Variants in MTUS2 observed in about 807,000 individuals in gnomAD.
MTUS2 encodes the protein microtubule associated scaffold protein 2.
MTUS2 carries 40 observed loss-of-function variants against 114.1 expected under a neutral mutation model. That is an observed-to-expected ratio of 0.35 (90% confidence interval 0.27 to 0.46). The LOEUF (loss-of-function observed/expected upper bound fraction) is 0.46, where lower values mean the gene tolerates loss of function less well. MTUS2 is among the 20% of genes least tolerant of loss of function. MTUS2 has a pLI of 1.00. For missense variants in MTUS2, 1,679 were observed against 1,705.4 expected, an observed-to-expected ratio of 0.98 and a Z score of 0.27; for synonymous variants, 688 against 672.0, an observed-to-expected ratio of 1.02 and a Z score of -0.37.
chr13:29,432,748 C>T (rs1351597575), intron 8 of MTUS2, among the ~76,000 whole-genome samples: 1 of 152,202 alleles, frequency 6.6e-6, no homozygotes, highest in Non-Finnish European at 1.5e-5. Context: ...TTCAGTCCAA[C>T]AGCAACACTT....
chr13:29,208,356 TTTTG>T (rs1359246986), intron 5 of MTUS2, among the ~76,000 whole-genome samples: 2 of 152,082 alleles, frequency 1.3e-5, no homozygotes, highest in African/African-American at 4.8e-5. Flanking sequence ...GGTCTATCAA[TTTTG>T]TTTATCTTTT....
At chr13:29,022,640 T>C (rs1238498984) in intron 2 of MTUS2, among the ~76,000 whole-genome samples, 1 of 152,206 alleles carries the variant, frequency 6.6e-6, no homozygotes, top group Non-Finnish European at 1.5e-5. Flanking sequence ...TCTTGATGAA[T>C]GAGGAGGAAA....
intron 2 of MTUS2, among the ~76,000 whole-genome samples, chr13:28,859,678 T>C (rs1212528540): frequency 6.6e-6 from 1 of 152,196 alleles, no homozygotes; most frequent in East Asian, 1.9e-4. Flanking sequence ...TTATGCAGGA[T>C]GATGGGGTAG....
At chr13:29,384,118 A>G (rs977735447) in intron 8 of MTUS2, among the ~76,000 whole-genome samples, 2 of 152,262 alleles carry the variant, frequency 1.3e-5, no homozygotes, top group African/African-American at 4.8e-5. Flanking sequence ...GTAGTTATTT[A>G]TAAAATACTC....
chr13:29,410,732 A>C (rs1434996117), intron 8 of MTUS2, among the ~76,000 whole-genome samples: 3 of 152,204 alleles, frequency 2.0e-5, no homozygotes, highest in Non-Finnish European at 4.4e-5. Flanking sequence ...AACTTATAAA[A>C]AAATTATATA....
At chr13:28,867,519 A>G (rs1040521461) in intron 2 of MTUS2, among the ~76,000 whole-genome samples, 6 of 152,206 alleles carry the variant, frequency 3.9e-5, no homozygotes, top group African/African-American at 1.4e-4. Context: ...TTTTCTGCCA[A>G]ATATCAGCTT....
chr13:29,372,789 A>G (rs1349368292), intron 8 of MTUS2, among the ~76,000 whole-genome samples: 1 of 152,220 alleles, frequency 6.6e-6, no homozygotes, highest in East Asian at 1.9e-4. Context: ...TACTTATATG[A>G]AGACCCAACA....
intron 2 of MTUS2, among the ~76,000 whole-genome samples, chr13:28,947,933 A>T (rs541778809): frequency 6.6e-6 from 1 of 152,310 alleles, no homozygotes; most frequent in East Asian, 1.9e-4. Flanking sequence ...TGTGGTTGTC[A>T]ATTTCAGTGG....
At chr13:29,215,481 T>G (rs1895640963) in intron 5 of MTUS2, among the ~76,000 whole-genome samples, 1 of 143,718 alleles carries the variant, frequency 7.0e-6, no homozygotes, top group Admixed American at 6.7e-5. Context: ...GCTGTTTTTT[T>G]TTTTTTTTTT....
At chr13:29,158,511 G>A (rs1402272076) in intron 5 of MTUS2, among the ~76,000 whole-genome samples, 2 of 151,860 alleles carry the variant, frequency 1.3e-5, no homozygotes, top group South Asian at 2.1e-4. Flanking sequence ...GACCCAGAAA[G>A]AACAGACTAT....
chr13:28,884,527 A>C (rs142033678), intron 2 of MTUS2, among the ~76,000 whole-genome samples: 2 of 152,328 alleles, frequency 1.3e-5, no homozygotes, highest in Middle Eastern at 3.4e-3. Flanking sequence ...ATAGTTTAAC[A>C]GCTTAATTTT....
At chr13:29,382,946 C>T (rs1872325143) in intron 8 of MTUS2, among the ~76,000 whole-genome samples, 1 of 151,978 alleles carries the variant, frequency 6.6e-6, no homozygotes, top group Non-Finnish European at 1.5e-5. Context: ...AGAGAGGAGG[C>T]AGTGATACAG....
At chr13:29,175,836 A>G (rs1466045103) in intron 5 of MTUS2, among the ~76,000 whole-genome samples, 1 of 151,824 alleles carries the variant, frequency 6.6e-6, no homozygotes, top group Non-Finnish European at 1.5e-5. Flanking sequence ...GCTGCTGAGC[A>G]TTTATTTAAA....
At chr13:28,941,632 C>T (rs552335422) in intron 2 of MTUS2, among the ~76,000 whole-genome samples, 3 of 152,006 alleles carry the variant, frequency 2.0e-5, no homozygotes, top group South Asian at 2.1e-4. Context: ...TTTTGGTTGA[C>T]GTATATGAAG....
chr13:29,322,342 A>G (rs1900287982), intron 6 of MTUS2, among the ~76,000 whole-genome samples: 1 of 152,130 alleles, frequency 6.6e-6, no homozygotes. Flanking sequence ...TGGGGAGCTT[A>G]GCCATATAGT....
At chr13:29,272,684 A>G (rs1897921791) in intron 5 of MTUS2, among the ~76,000 whole-genome samples, 2 of 152,120 alleles carry the variant, frequency 1.3e-5, no homozygotes, top group South Asian at 4.1e-4. Flanking sequence ...CTATAAAACT[A>G]CCTTCCTCCC....
intron 2 of MTUS2, among the ~76,000 whole-genome samples, chr13:28,941,435 TG>T (rs1251727885): frequency 2.0e-5 from 3 of 152,122 alleles, no homozygotes; most frequent in Non-Finnish European, 4.4e-5. Context: ...AATCAAGACA[TG>T]CTTATGTTAA....
chr13:29,364,087 T>C (rs1870502574), intron 8 of MTUS2, among the ~76,000 whole-genome samples: 1 of 152,156 alleles, frequency 6.6e-6, no homozygotes, highest in African/African-American at 2.4e-5. Context: ...CTCTTCACAA[T>C]CATCAAGGTG....
At chr13:28,986,548 T>G in intron 2 of MTUS2, among the ~76,000 whole-genome samples, 1 of 152,200 alleles carries the variant, frequency 6.6e-6, no homozygotes, top group Middle Eastern at 3.2e-3. Flanking sequence ...CTCCTTAATG[T>G]TCACCGTGTC....
Sources: gnomAD v4.1 joint callset for allele counts (sites outside exome capture counted in the v4.1 genomes callset) on GRCh38, gnomAD v4.1.1 for gene constraint, MANE v1.5 for transcripts, NCBI Gene and HGNC (gene_info 2026-07-23, HGNC 2026-07-21) for gene names.